The following WHR1 variants were observed in gnomAD, a reference collection of about 807,000 sequenced individuals.
The protein encoded by WHR1 is winged helix repair factor 1.
chr6:31,975,770 G>A, the WHR1 span, among the ~76,000 whole-genome samples: 3 of 151,816 alleles, frequency 2.0e-5, no homozygotes, highest in African/African-American at 7.3e-5. Context: ...TTGTCATCGT[G>A]GCCCGTTCTC....
the WHR1 span, chr6:31,980,338 CTCTT>C: frequency 1.0e-6 from 1 of 981,208 alleles, no homozygotes; most frequent in Non-Finnish European, 1.5e-6. Flanking sequence ...TATCCAGTCT[CTCTT>C]GCATGGTTGC....
the WHR1 span, chr6:31,972,265 G>T: frequency 5.0e-6 from 8 of 1,613,120 alleles, no homozygotes; most frequent in Non-Finnish European, 6.8e-6. This position sits in a 1 kb window ranked among gnomAD's most constrained non-coding sequence, Gnocchi z 6.3. Context: ...CCTGAGGGAC[G>T]ACAAGTTGAC....
the WHR1 span, among the ~76,000 whole-genome samples, chr6:31,976,303 C>G: frequency 2.4e-4 from 37 of 151,292 alleles, no homozygotes. Flanking sequence ...GGCTGCCGGG[C>G]GGAGATGCTC....
the WHR1 span, chr6:31,980,420 C>T: frequency 6.3e-7 from 1 of 1,585,344 alleles, no homozygotes; most frequent in Non-Finnish European, 8.6e-7. Context: ...GAGCCCAGCC[C>T]TCATCTCTGC....
the WHR1 span, chr6:31,980,515 G>A: frequency 6.2e-7 from 1 of 1,613,088 alleles, no homozygotes; most frequent in Non-Finnish European, 8.5e-7. Flanking sequence ...AGCTGTGCCT[G>A]GAGCTGGGAG....
At chr6:31,977,668 G>C in the WHR1 span, among the ~76,000 whole-genome samples, 1 of 150,888 alleles carries the variant, frequency 6.6e-6, no homozygotes, top group African/African-American at 2.4e-5. Context: ...ATTTTTAATG[G>C]AGACCGGGTT....
At chr6:31,971,693 AG>A in the WHR1 span, 1 of 1,587,888 alleles carries the variant, frequency 6.3e-7, no homozygotes, top group Non-Finnish European at 8.5e-7. This position sits in a 1 kb window ranked among gnomAD's most constrained non-coding sequence, Gnocchi z 4.5. Flanking sequence ...TAAGACAAGC[AG>A]GGGTACAGAG....
chr6:31,975,912 A>G, the WHR1 span, among the ~76,000 whole-genome samples: 1 of 142,876 alleles, frequency 7.0e-6, no homozygotes, highest in Non-Finnish European at 1.5e-5. Flanking sequence ...CGGGGGGCTG[A>G]CCCCCCCACC....
At chr6:31,971,404 C>T in the WHR1 span, 1 of 1,600,248 alleles carries the variant, frequency 6.2e-7, no homozygotes, top group South Asian at 1.1e-5. This position sits in a 1 kb window ranked among gnomAD's most constrained non-coding sequence, Gnocchi z 4.5. Context: ...GGGCTGGTAT[C>T]GATCCGGGTA....
the WHR1 span, chr6:31,973,174 A>G: frequency 2.5e-6 from 1 of 400,114 alleles, no homozygotes; most frequent in Admixed American, 3.3e-5. Flanking sequence ...TGCATCTGAG[A>G]AGTGGTGAAG....
At chr6:31,971,989 G>A in the WHR1 span, 1 of 1,595,282 alleles carries the variant, frequency 6.3e-7, no homozygotes, top group African/African-American at 1.3e-5. The surrounding 1 kb of genome is among the most constrained non-coding windows in gnomAD (Gnocchi z 4.5). Flanking sequence ...CACGCCAGAG[G>A]CCGAAGGATG....
chr6:31,972,061 C>A, the WHR1 span: 1 of 1,612,400 alleles, frequency 6.2e-7, no homozygotes, highest in Non-Finnish European at 8.5e-7. The surrounding 1 kb of genome is among the most constrained non-coding windows in gnomAD (Gnocchi z 6.3). Context: ...GCAAACCCCT[C>A]CCGGGGCGGG....
At chr6:31,977,008 C>T in the WHR1 span, among the ~76,000 whole-genome samples, 63 of 152,310 alleles carry the variant, frequency 4.1e-4, 1 homozygote, top group South Asian at 0.011. Context: ...AGTCCAGCTT[C>T]GGCTCGGCAT....
chr6:31,971,995 G>A, the WHR1 span: 5 of 1,598,258 alleles, frequency 3.1e-6, no homozygotes, highest in Non-Finnish European at 4.3e-6. This position sits in a 1 kb window ranked among gnomAD's most constrained non-coding sequence, Gnocchi z 4.5. Context: ...AGAGGCCGAA[G>A]GATGCAAAAG....
At chr6:31,972,805 G>A in the WHR1 span, 1 of 1,602,500 alleles carries the variant, frequency 6.2e-7, no homozygotes, top group Non-Finnish European at 8.5e-7. This position sits in a 1 kb window ranked among gnomAD's most constrained non-coding sequence, Gnocchi z 6.3. Context: ...CTAACTCCTG[G>A]AATTCCCTGT....
chr6:31,977,515 T>A, the WHR1 span, among the ~76,000 whole-genome samples: 1 of 151,908 alleles, frequency 6.6e-6, no homozygotes, highest in African/African-American at 2.4e-5. Flanking sequence ...CTAATTGTTT[T>A]TTTTTTTGTA....
chr6:31,977,610 A>G, the WHR1 span, among the ~76,000 whole-genome samples: 1 of 151,690 alleles, frequency 6.6e-6, no homozygotes, highest in Admixed American at 6.6e-5. Context: ...CAGCCTGCCA[A>G]AGTGCTGGGA....
At chr6:31,980,354 C>T in the WHR1 span, 845 of 1,134,256 alleles carry the variant, frequency 7.4e-4, no homozygotes, top group Admixed American at 1.2e-3. Flanking sequence ...CATGGTTGCC[C>T]GTGTTTCTGG....
At chr6:31,971,590 A>G in the WHR1 span, 1 of 1,613,956 alleles carries the variant, frequency 6.2e-7, no homozygotes, top group South Asian at 1.1e-5. The surrounding 1 kb of genome is among the most constrained non-coding windows in gnomAD (Gnocchi z 4.5). Flanking sequence ...GTCTGTGGGC[A>G]GAGAAGGTGC....
Sources: allele counts gnomAD v4.1 joint callset (sites outside exome capture counted in the v4.1 genomes callset), GRCh38; gene constraint gnomAD v4.1.1; non-coding constraint Gnocchi (gnomAD v3.1); transcripts MANE v1.5; gene names NCBI Gene and HGNC (gene_info 2026-07-23, HGNC 2026-07-21).